FARSB: variants seen among roughly 807,000 people sequenced by gnomAD.
FARSB encodes the protein phenylalanine--tRNA ligase beta subunit.
Under a neutral mutation model 69.6 loss-of-function variants are expected in FARSB, and 40 were observed. The observed-to-expected ratio is 0.57, with a 90% CI of 0.45 to 0.75. FARSB has a LOEUF of 0.75. Among genes scored for constraint, FARSB ranks in the 30% least tolerant of loss-of-function variants. The pLI, the probability that FARSB is intolerant of heterozygous loss-of-function variation, is 0.00. For synonymous variants in FARSB, 235 were observed against 247.2 expected (o/e 0.95, Z 0.46); for missense variants, 632 against 722.9 (o/e 0.87, Z 1.44).
intron 5 of FARSB, among the ~76,000 whole-genome samples, chr2:222,635,114 T>C (rs941559016): frequency 1.3e-5 from 2 of 152,300 alleles, no homozygotes; most frequent in East Asian, 3.9e-4. Context: ...TGTTCTACAG[T>C]TTATCCACAA....
chr2:222,598,683 A>G (rs1016777784), intron 16 of FARSB, among the ~76,000 whole-genome samples: 1 of 152,190 alleles, frequency 6.6e-6, no homozygotes, highest in Non-Finnish European at 1.5e-5. Context: ...ATATACAGGC[A>G]CTAAAAAGGC....
At chr2:222,600,189 T>C (rs1321724988) in intron 15 of FARSB, 106 bp from the exon 16 acceptor site, 4 of 859,352 alleles carry the variant, frequency 4.7e-6, no homozygotes, top group South Asian at 1.8e-5. Flanking sequence ...GAAAACCAAA[T>C]ATTAAACATT....
intron 16 of FARSB, among the ~76,000 whole-genome samples, chr2:222,577,348 T>C (rs1689863891): frequency 6.6e-6 from 1 of 152,220 alleles, no homozygotes; most frequent in Non-Finnish European, 1.5e-5. Flanking sequence ...ACCTAATCCC[T>C]TGAGTTTAAT....
At chr2:222,603,877 G>A (rs903399050) in intron 15 of FARSB, among the ~76,000 whole-genome samples, 2 of 151,674 alleles carry the variant, frequency 1.3e-5, no homozygotes, top group Non-Finnish European at 1.5e-5. Flanking sequence ...ACAATATAAG[G>A]GCAAGCTTAT....
At chr2:222,587,015 C>T (rs1690132689) in intron 16 of FARSB, among the ~76,000 whole-genome samples, 1 of 152,232 alleles carries the variant, frequency 6.6e-6, no homozygotes, top group African/African-American at 2.4e-5. Context: ...ACCTAATAGA[C>T]ATCTGCAGAA....
At chr2:222,582,168 T>C (rs1054335864) in intron 16 of FARSB, among the ~76,000 whole-genome samples, 1 of 152,184 alleles carries the variant, frequency 6.6e-6, no homozygotes, top group African/African-American at 2.4e-5. Flanking sequence ...TGGAAACAAC[T>C]CAATGTTAAT....
chr2:222,585,642 C>A (rs1690093159), intron 16 of FARSB, among the ~76,000 whole-genome samples: 1 of 152,148 alleles, frequency 6.6e-6, no homozygotes, highest in African/African-American at 2.4e-5. Flanking sequence ...ATTAGAATGG[C>A]TAAGTAGAAT....
chr2:222,612,235 T>C (rs7581913), intron 15 of FARSB, among the ~76,000 whole-genome samples: 2,012 of 152,320 alleles, frequency 0.013, 34 homozygotes, highest in African/African-American at 0.043. Flanking sequence ...ATTTACCACC[T>C]AAAGAAAATT....
Position 222,571,924 on chromosome 2 carries a change from C to G in FARSB, c.1717G>C (p.Glu573Gln), listed in dbSNP as rs778426408. Residue 573 changes from glutamate (E) to glutamine (Q), a missense_variant, in exon 17 of 17, where the codon GAG becomes CAG. Coordinates refer to ENST00000281828, the MANE Select transcript of FARSB (RefSeq NM_005687.5). Reference sequence around the variant, plus strand: ...AGGGAGGAGCAGGGCATGGTCAGCTCAAATTTGGTGATAACGTCAGGATGA... The same window carrying G: ...AGGGAGGAGCAGGGCATGGTCAGCTGAAATTTGGTGATAACGTCAGGATGA... ...VLHPDVITKFELTMPCSSLEI... is the reference protein window; with the variant it reads ...VLHPDVITKFQLTMPCSSLEI... 2.5e-6 allele frequency: 4 copies of G among 1,613,756 alleles called. No homozygotes were observed. The South Asian group carries it at 3.3e-5, about 13-fold the overall frequency.
chr2:222,654,335 ATTAT>A (rs1434240919), intron 1 of FARSB, among the ~76,000 whole-genome samples: 1 of 152,242 alleles, frequency 6.6e-6, no homozygotes, highest in Non-Finnish European at 1.5e-5. Flanking sequence ...GCAAAAAAAA[ATTAT>A]TTAAAGTATT....
chr2:222,616,776 CAGG>C (rs1691008102), intron 14 of FARSB, among the ~76,000 whole-genome samples: 2 of 152,018 alleles, frequency 1.3e-5, no homozygotes, highest in Non-Finnish European at 2.9e-5. Flanking sequence ...AAGAATTATG[CAGG>C]AGAAGGAAAG....
At chr2:222,607,486 G>T (rs1309777057) in intron 15 of FARSB, among the ~76,000 whole-genome samples, 1 of 152,022 alleles carries the variant, frequency 6.6e-6, no homozygotes, top group African/African-American at 2.4e-5. Flanking sequence ...GGAGAAACAA[G>T]GTGCAGAACA....
intron 13 of FARSB, among the ~76,000 whole-genome samples, chr2:222,620,017 T>A (rs1357334118): frequency 1.3e-5 from 2 of 152,212 alleles, no homozygotes; most frequent in African/African-American, 4.8e-5. Context: ...CTAGCCATCA[T>A]ACAGAGCTAA....
At chr2:222,589,364 A>G (rs931475969) in intron 16 of FARSB, among the ~76,000 whole-genome samples, 5 of 152,218 alleles carry the variant, frequency 3.3e-5, no homozygotes, top group African/African-American at 1.2e-4. Flanking sequence ...AAATTAATTC[A>G]AGATGGATTA....
At position 222,628,888 on chromosome 2, in the gene FARSB, C is replaced by A; in HGVS notation, c.849G>T (p.Thr283=). 1 of 1,606,590 alleles carries A rather than the reference C, an allele frequency of 6.2e-7. No homozygotes were observed. Among genetic ancestry groups the A allele is most frequent in the Non-Finnish European group, 8.5e-7 (1 of 1,175,346 alleles). ...MFSEYCENQF[T]VEAAEVVFPN... The stretch of plus-strand genomic sequence containing the variant: ...GAAAAACCACTTCAGCAGCTTCGAC[C>A]CTGAAAACAAAAGCCAGAAATAAAA... Residue 283 remains threonine (T), a splice_region_variant and synonymous_variant, in exon 10 of 17, where the codon ACG becomes ACT. Transcript: ENST00000281828.
intron 4 of FARSB, 71 bp from the exon 5 acceptor site, chr2:222,639,766 G>T (rs1691671136): frequency 1.7e-6 from 1 of 593,288 alleles, no homozygotes; most frequent in Admixed American, 3.0e-5. Flanking sequence ...TAATAGGAAG[G>T]TAGCTGCATT....
intron 9 of FARSB, among the ~76,000 whole-genome samples, chr2:222,629,399 C>G (rs992167492): frequency 6.6e-6 from 1 of 152,142 alleles, no homozygotes; most frequent in Non-Finnish European, 1.5e-5. Context: ...TAAAAATATG[C>G]TTTGGAAAAA....
At position 222,656,044 on chromosome 2, in the gene FARSB, C is replaced by G; in HGVS notation, c.30G>C (p.Leu10=). Residue 10 remains leucine (L), a synonymous_variant, in exon 1 of 17, where the codon CTG becomes CTC. Transcript: ENST00000281828. MPTVSVKRD[L]LFQALGRTYT... is the part of the protein sequence containing the mutation. ...AGGTGCGGCCCAGGGCTTGGAAGAGCAGATCACGCTTCACGCTGACAGTCG... is the reference window on the plus strand; with the variant it reads ...AGGTGCGGCCCAGGGCTTGGAAGAGGAGATCACGCTTCACGCTGACAGTCG... The G allele has an allele frequency of 1.3e-6, 2 of 1,597,556 alleles. No homozygotes were observed. Among genetic ancestry groups the G allele is most frequent in the East Asian group, 2.3e-5 (1 of 43,768 alleles).
At chr2:222,585,121 G>A (rs942718211) in intron 16 of FARSB, among the ~76,000 whole-genome samples, 6 of 152,114 alleles carry the variant, frequency 3.9e-5, no homozygotes, top group South Asian at 2.1e-4. Context: ...TCATACAGCC[G>A]GGTGGCCCTC....
Sources: gnomAD v4.1 joint callset for allele counts (sites outside exome capture counted in the v4.1 genomes callset) on GRCh38, gnomAD v4.1.1 for gene constraint, MANE v1.5 for transcripts, NCBI Gene and HGNC (gene_info 2026-07-23, HGNC 2026-07-21) for gene names.